SPECC1: variants seen among roughly 807,000 people sequenced by gnomAD.
The protein encoded by SPECC1 is cytospin-B.
Under a neutral mutation model 104.1 loss-of-function variants are expected in SPECC1, and 62 were observed. The observed-to-expected ratio is 0.60, with a 90% CI of 0.49 to 0.74. The LOEUF (loss-of-function observed/expected upper bound fraction) is 0.74. SPECC1 is among the 30% of genes least tolerant of loss of function. The pLI, the probability that SPECC1 is intolerant of heterozygous loss-of-function variation, is 0.00. For missense variants in SPECC1, 1,306 were observed against 1,310.5 expected (o/e 1.00, Z 0.05); for synonymous variants, 513 against 501.6 (o/e 1.02, Z -0.30).
chr17:20,287,403 G>C (rs866242609), intron 12 of SPECC1, among the ~76,000 whole-genome samples: 6 of 133,206 alleles, frequency 4.5e-5, no homozygotes, highest in Non-Finnish European at 4.6e-5. Context: ...CGGCCTGGGC[G>C]ACAGAGCGAG....
intron 9 of SPECC1, among the ~76,000 whole-genome samples, chr17:20,249,593 G>A: frequency 6.6e-6 from 1 of 152,102 alleles, no homozygotes; most frequent in East Asian, 1.9e-4. Context: ...TAAGTGACAA[G>A]GTAGAGAATT....
At chr17:20,138,082 C>T (rs994640261) in intron 3 of SPECC1, among the ~76,000 whole-genome samples, 1 of 152,134 alleles carries the variant, frequency 6.6e-6, no homozygotes, top group Non-Finnish European at 1.5e-5. Flanking sequence ...AGCCCTCCCA[C>T]CCCAGCCTCC....
chr17:20,190,048 G>A (rs2035556948), intron 3 of SPECC1, among the ~76,000 whole-genome samples: 1 of 152,032 alleles, frequency 6.6e-6, no homozygotes, highest in Non-Finnish European at 1.5e-5. Context: ...AGTTAGGTAT[G>A]AATCTCTAGA....
At chr17:20,088,449 AG>A (rs1288059701) in intron 1 of SPECC1, among the ~76,000 whole-genome samples, 20 of 152,192 alleles carry the variant, frequency 1.3e-4, no homozygotes, top group African/African-American at 4.6e-4. Context: ...GGCTGGCCCA[AG>A]GGGTGGGCAG....
chr17:20,170,283 G>T (rs1420585616), intron 3 of SPECC1, among the ~76,000 whole-genome samples: 1 of 152,220 alleles, frequency 6.6e-6, no homozygotes, highest in Non-Finnish European at 1.5e-5. Context: ...AGAGTCCTTA[G>T]CAAAATGTAT....
intron 10 of SPECC1, among the ~76,000 whole-genome samples, chr17:20,254,384 G>C (rs1242266463): frequency 6.6e-6 from 1 of 152,064 alleles, no homozygotes; most frequent in Non-Finnish European, 1.5e-5. Flanking sequence ...ACTTCTCTGT[G>C]CTTTAGTCTC....
chr17:20,309,177 T>TA (rs970689305), intron 14 of SPECC1, among the ~76,000 whole-genome samples: 2 of 152,184 alleles, frequency 1.3e-5, no homozygotes, highest in African/African-American at 2.4e-5. Flanking sequence ...CCTACATTCT[T>TA]AAATTTGCTT....
intron 2 of SPECC1, among the ~76,000 whole-genome samples, chr17:20,107,298 T>C (rs1266069897): frequency 6.6e-6 from 1 of 151,892 alleles, no homozygotes; most frequent in Non-Finnish European, 1.5e-5. Flanking sequence ...TGACCAAGAT[T>C]GCATGGCTAA....
chr17:20,295,164 T>TC (rs2041305770), intron 12 of SPECC1, among the ~76,000 whole-genome samples: 1 of 101,602 alleles, frequency 9.8e-6, no homozygotes, highest in Non-Finnish European at 2.0e-5. Flanking sequence ...ATGCTATCCC[T>TC]CCCCCCTCCC....
intron 3 of SPECC1, among the ~76,000 whole-genome samples, chr17:20,123,192 A>G (rs2152538588): frequency 6.6e-6 from 1 of 152,344 alleles, no homozygotes; most frequent in South Asian, 2.1e-4. Flanking sequence ...AAACATTTTT[A>G]AAACCACGAG....
chr17:20,071,021 CTTCT>C (rs565324190), intron 1 of SPECC1, among the ~76,000 whole-genome samples: 14 of 152,042 alleles, frequency 9.2e-5, no homozygotes, highest in Middle Eastern at 3.4e-3. Flanking sequence ...TGTGGTCTTT[CTTCT>C]TTTTCAGTTT....
At chr17:20,307,540 A>G (rs2041804580) in intron 14 of SPECC1, among the ~76,000 whole-genome samples, 2 of 152,226 alleles carry the variant, frequency 1.3e-5, no homozygotes. Flanking sequence ...GTACTCTGTT[A>G]CATGGTCCCC....
intron 4 of SPECC1, 60 bp from the exon 5 acceptor site, chr17:20,227,353 C>A: frequency 6.8e-7 from 1 of 1,477,940 alleles, no homozygotes; most frequent in Non-Finnish European, 9.3e-7. Context: ...TTCTAGTGTA[C>A]AGATCACTGT....
At chr17:20,285,793 C>T (rs1172974808) in intron 12 of SPECC1, among the ~76,000 whole-genome samples, 2 of 150,164 alleles carry the variant, frequency 1.3e-5, no homozygotes, top group Non-Finnish European at 3.0e-5. Flanking sequence ...CCCCTTCCCT[C>T]CCTCCCTTTC....
chr17:20,217,809 G>A (rs1251877713), intron 4 of SPECC1, among the ~76,000 whole-genome samples: 1 of 152,144 alleles, frequency 6.6e-6, no homozygotes, highest in African/African-American at 2.4e-5. Flanking sequence ...CAGCACTTGG[G>A]AGGCCAAGAT....
chr17:20,112,545 T>C lies in SPECC1; in HGVS notation c.283+1983T>C, dbSNP rs947593187. Reference sequence around the variant, plus strand: ...GACCTTTGAAACATTAACTTCAAAATGGCCAGTTTAAGCCGCTGCAGTCTT... The same window carrying C: ...GACCTTTGAAACATTAACTTCAAAACGGCCAGTTTAAGCCGCTGCAGTCTT... On this transcript the variant is annotated intron_variant, in intron 3 of 14. Coordinates refer to ENST00000395527, the MANE Select transcript of SPECC1 (RefSeq NM_001243439.2). 7 of 780,808 alleles carry C rather than the reference T, an allele frequency of 9.0e-6. No homozygotes were observed. The African/African-American group carries it at 1.2e-4, about 13-fold the overall frequency. 48.4% of individuals were successfully genotyped at this position (780,808 alleles called of 1,614,324 possible). A position where few individuals can be genotyped will look rare whatever the true frequency, so the allele number is the denominator to read the frequency against.
chr17:20,247,108 A>T (rs1306553977), intron 8 of SPECC1, 111 bp from the exon 9 acceptor site: 3 of 729,382 alleles, frequency 4.1e-6, no homozygotes, highest in Non-Finnish European at 6.8e-6. Context: ...ATATTACACT[A>T]AACACGGATA....
At chr17:20,035,038 G>A (rs2152446540) in intron 1 of SPECC1, among the ~76,000 whole-genome samples, 1 of 152,332 alleles carries the variant, frequency 6.6e-6, no homozygotes, top group East Asian at 1.9e-4. Context: ...ACCCTTTAAT[G>A]AGAGACATAT....
At chr17:20,178,327 AC>A (rs1158763173) in intron 3 of SPECC1, among the ~76,000 whole-genome samples, 1 of 151,722 alleles carries the variant, frequency 6.6e-6, no homozygotes, top group Admixed American at 6.6e-5. Context: ...GGTGGAGGAG[AC>A]CCCAGTGTGC....
Sources: gnomAD v4.1 joint callset for allele counts (sites outside exome capture counted in the v4.1 genomes callset) on GRCh38, gnomAD v4.1.1 for gene constraint, MANE v1.5 for transcripts, NCBI Gene and HGNC (gene_info 2026-07-23, HGNC 2026-07-21) for gene names.